The following TUSC3 variants were observed in gnomAD, a reference collection of about 807,000 sequenced individuals.
TUSC3 encodes the protein dolichyl-diphosphooligosaccharide--protein glycosyltransferase subunit TUSC3.
Under a neutral mutation model 44.8 loss-of-function variants are expected in TUSC3, and 45 were observed. The observed-to-expected ratio is 1.00, with a 90% confidence interval of 0.79 to 1.29. The LOEUF is 1.29. TUSC3 is among the 50% of genes most tolerant of loss of function. TUSC3 has a pLI of 0.00. For synonymous variants in TUSC3, 212 were observed against 152.9 expected (o/e 1.39, Z -2.85); for missense variants, 519 against 437.9 (o/e 1.19, Z -1.65).
At chr8:15,571,474 C>T (rs1802876343) in intron 1 of TUSC3, among the ~76,000 whole-genome samples, 1 of 152,050 alleles carries the variant, frequency 6.6e-6, no homozygotes, top group Non-Finnish European at 1.5e-5. Flanking sequence ...AGTATATATA[C>T]CTTAATTTAA....
intron 6 of TUSC3, among the ~76,000 whole-genome samples, chr8:15,723,197 G>A (rs1160118228): frequency 6.6e-6 from 1 of 152,038 alleles, no homozygotes; most frequent in African/African-American, 2.4e-5. Context: ...GAGTATGCCT[G>A]GGCCAGGTAA....
the TUSC3 span, among the ~76,000 whole-genome samples, chr8:15,796,211 A>G: frequency 2.1e-4 from 32 of 152,148 alleles, no homozygotes; most frequent in African/African-American, 6.5e-4. Flanking sequence ...CAAGGTAACA[A>G]TCTGGGTGGT....
intron 5 of TUSC3, among the ~76,000 whole-genome samples, chr8:15,663,208 T>A (rs535543133): frequency 1.3e-4 from 19 of 151,896 alleles, no homozygotes; most frequent in African/African-American, 4.6e-4. Context: ...TATTTATAAA[T>A]AGAATGTTGA....
intron 1 of TUSC3, among the ~76,000 whole-genome samples, chr8:15,467,524 A>T (rs1299805608): frequency 3.9e-5 from 6 of 152,084 alleles, no homozygotes; most frequent in Non-Finnish European, 8.8e-5. Flanking sequence ...GCACTAATTG[A>T]TCTTATTCTG....
At position 15,584,067 on chromosome 8, in the gene TUSC3, CAG is replaced by C. The variant is rs1304612864; in HGVS notation, c.139-39012_139-39011del. ...TTAAAGGCAGTGTAATCAAACACAG[CAG>C]CTTAACTGTTTTAATATTTCTGTGG... On this transcript the variant is annotated intron_variant, in intron 1 of 10. Coordinates refer to ENST00000503731, the MANE Select transcript of TUSC3 (RefSeq NM_006765.4). Among the ~76,000 whole-genome samples the C allele has an allele frequency of 3.4e-3, 516 of 152,242 alleles. 4 individuals are homozygous for C. The highest frequency in any genetic ancestry group is 0.012 in the African/African-American group (495 of 41,550).
intron 2 of TUSC3, among the ~76,000 whole-genome samples, chr8:15,625,334 A>G (rs1276809827): frequency 3.9e-5 from 6 of 152,140 alleles, no homozygotes; most frequent in Non-Finnish European, 8.8e-5. Context: ...TAGTTTTGGT[A>G]TCAGGGTAAT....
At chr8:15,464,808 G>A (rs1011848206) in intron 1 of TUSC3, among the ~76,000 whole-genome samples, 4 of 152,108 alleles carry the variant, frequency 2.6e-5, no homozygotes, top group Admixed American at 6.6e-5. Context: ...CTTCTTTCCT[G>A]TCCAAAACAT....
intron 2 of TUSC3, among the ~76,000 whole-genome samples, chr8:15,499,072 A>T (rs533954455): frequency 6.6e-6 from 1 of 151,348 alleles, no homozygotes; most frequent in South Asian, 2.1e-4. Flanking sequence ...ACTTGCCCCA[A>T]CTCTTGCCAT....
chr8:15,517,001 G>T (rs932096781), intron 2 of TUSC3, among the ~76,000 whole-genome samples: 1 of 152,120 alleles, frequency 6.6e-6, no homozygotes, highest in Non-Finnish European at 1.5e-5. Flanking sequence ...GAAATAAGAA[G>T]TTCCTCAAAG....
the TUSC3 span, among the ~76,000 whole-genome samples, chr8:15,827,390 G>T: frequency 6.6e-6 from 1 of 152,150 alleles, no homozygotes; most frequent in Non-Finnish European, 1.5e-5. Flanking sequence ...CTTTTAAAAA[G>T]TGGAATGTTT....
intron 1 of TUSC3, among the ~76,000 whole-genome samples, chr8:15,425,011 T>C (rs1799786487): frequency 6.6e-6 from 1 of 152,142 alleles, no homozygotes; most frequent in Non-Finnish European, 1.5e-5. Context: ...GCTATTTGCA[T>C]AAGGATGGAA....
intron 3 of TUSC3, among the ~76,000 whole-genome samples, chr8:15,653,975 A>G (rs1411978590): frequency 6.6e-6 from 1 of 152,162 alleles, no homozygotes; most frequent in Non-Finnish European, 1.5e-5. Flanking sequence ...GGCTGAGGCT[A>G]GGTATCTGAT....
chr8:15,809,641 A>G, the TUSC3 span, among the ~76,000 whole-genome samples: 1 of 152,236 alleles, frequency 6.6e-6, no homozygotes, highest in Non-Finnish European at 1.5e-5. Flanking sequence ...TAATTATAAC[A>G]ATATGCTGTA....
chr8:15,419,774 G>A (rs977579888), intron 1 of TUSC3, among the ~76,000 whole-genome samples: 1 of 152,092 alleles, frequency 6.6e-6, no homozygotes, highest in Non-Finnish European at 1.5e-5. Context: ...GTAAAATAAG[G>A]GTAGGTGTTT....
At chr8:15,787,802 C>T in the TUSC3 span, among the ~76,000 whole-genome samples, 3 of 152,204 alleles carry the variant, frequency 2.0e-5, no homozygotes, top group Admixed American at 1.3e-4. Flanking sequence ...GATATTAAGA[C>T]CGTTCACGTA....
chr8:15,831,535 T>C, the TUSC3 span, among the ~76,000 whole-genome samples: 430 of 150,868 alleles, frequency 2.9e-3, 11 homozygotes, highest in East Asian at 0.079. Context: ...AAACTCAATC[T>C]AGAAAGCAAA....
intron 9 of TUSC3, among the ~76,000 whole-genome samples, chr8:15,757,316 G>A (rs1366008495): frequency 6.6e-6 from 1 of 152,126 alleles, no homozygotes; most frequent in African/African-American, 2.4e-5. Flanking sequence ...AAAATGGAAT[G>A]ATATTCAGTA....
At chr8:15,698,636 T>G (rs1219635766) in intron 6 of TUSC3, among the ~76,000 whole-genome samples, 2 of 152,174 alleles carry the variant, frequency 1.3e-5, no homozygotes, top group Non-Finnish European at 2.9e-5. Context: ...ATTAGGTAAT[T>G]AGAGTATCTG....
At chr8:15,521,387 G>T (rs189168487) in intron 2 of TUSC3, among the ~76,000 whole-genome samples, 5 of 152,112 alleles carry the variant, frequency 3.3e-5, no homozygotes. Flanking sequence ...AAGGAGTGAG[G>T]GGCAGCAGGA....
Sources: allele counts gnomAD v4.1 joint callset (sites outside exome capture counted in the v4.1 genomes callset), GRCh38; gene constraint gnomAD v4.1.1; transcripts MANE v1.5; gene names NCBI Gene and HGNC (gene_info 2026-07-23, HGNC 2026-07-21).